The following MIPEP variants were observed in gnomAD, a reference collection of about 807,000 sequenced individuals.
MIPEP encodes the protein mitochondrial intermediate peptidase.
In MIPEP, 79 loss-of-function variants were observed where a neutral mutation model predicts 90.3. The ratio of observed to expected loss-of-function variants is 0.87; its 90% CI spans 0.73 to 1.05. The LOEUF is 1.05. MIPEP is among the 50% of genes least tolerant of loss of function. The pLI, the probability that MIPEP is intolerant of heterozygous loss-of-function variation, is 0.00. For synonymous variants in MIPEP, 334 were observed against 315.8 expected, an observed-to-expected ratio of 1.06 and a Z score of -0.61; for missense variants, 940 against 905.6, an observed-to-expected ratio of 1.04 and a Z score of -0.49.
chr13:23,744,271 T>C (rs1226039307), intron 18 of MIPEP, among the ~76,000 whole-genome samples: 2 of 152,208 alleles, frequency 1.3e-5, no homozygotes, highest in African/African-American at 2.4e-5. Context: ...ACTTTTCAGA[T>C]TTGTCCCCAT....
intron 18 of MIPEP, among the ~76,000 whole-genome samples, chr13:23,737,222 G>A (rs1952275694): frequency 6.6e-6 from 1 of 152,228 alleles, no homozygotes; most frequent in Non-Finnish European, 1.5e-5. Flanking sequence ...GTCTCACAGG[G>A]CCGTAGTCTG....
At chr13:23,841,553 T>C in intron 10 of MIPEP, 65 bp from the exon 11 acceptor site, 2 of 1,476,560 alleles carry the variant, frequency 1.4e-6, no homozygotes, top group South Asian at 2.8e-5. Context: ...GTAAATTCAA[T>C]TAACTTTTCA....
intron 14 of MIPEP, among the ~76,000 whole-genome samples, chr13:23,823,777 G>A (rs904085301): frequency 6.6e-6 from 1 of 152,206 alleles, no homozygotes; most frequent in African/African-American, 2.4e-5. Flanking sequence ...TCAGGGAGCT[G>A]TGATTGCACC....
intron 1 of MIPEP, among the ~76,000 whole-genome samples, chr13:23,887,629 A>G (rs1871558056): frequency 6.6e-6 from 1 of 152,160 alleles, no homozygotes; most frequent in Non-Finnish European, 1.5e-5. Context: ...CAGCTATCCA[A>G]TAGAATGTCT....
At chr13:23,834,816 A>G (rs1209424900) in intron 14 of MIPEP, among the ~76,000 whole-genome samples, 1 of 152,124 alleles carries the variant, frequency 6.6e-6, no homozygotes, top group East Asian at 1.9e-4. Flanking sequence ...CCCAGTTCCC[A>G]AAATACACAG....
chr13:23,786,380 C>T (rs189849403), intron 16 of MIPEP, among the ~76,000 whole-genome samples: 1 of 152,174 alleles, frequency 6.6e-6, no homozygotes, highest in East Asian at 1.9e-4. Flanking sequence ...AAGAAGTTCT[C>T]TTTAAGCATA....
intron 18 of MIPEP, among the ~76,000 whole-genome samples, chr13:23,732,787 G>A (rs1381714538): frequency 6.6e-6 from 1 of 152,182 alleles, no homozygotes; most frequent in East Asian, 1.9e-4. Context: ...ACTGAGAAGG[G>A]GCAGGAGGGC....
intron 10 of MIPEP, among the ~76,000 whole-genome samples, chr13:23,854,459 G>C (rs1016985697): frequency 1.4e-4 from 22 of 152,164 alleles, no homozygotes; most frequent in African/African-American, 4.8e-4. Flanking sequence ...CCTTCTGTGA[G>C]AGCCCATTTT....
At chr13:23,740,854 G>C (rs1421292662) in intron 18 of MIPEP, among the ~76,000 whole-genome samples, 1 of 152,192 alleles carries the variant, frequency 6.6e-6, no homozygotes, top group Non-Finnish European at 1.5e-5. Flanking sequence ...CCATAGCTTG[G>C]GTCTCCCTGA....
intron 9 of MIPEP, among the ~76,000 whole-genome samples, chr13:23,859,272 T>A (rs1047723706): frequency 6.6e-6 from 1 of 152,176 alleles, no homozygotes; most frequent in Non-Finnish European, 1.5e-5. Context: ...ACACTGTAGG[T>A]AAGATGAGTG....
chr13:23,756,290 G>C (rs2094215444), intron 18 of MIPEP, among the ~76,000 whole-genome samples: 1 of 152,184 alleles, frequency 6.6e-6, no homozygotes, highest in Non-Finnish European at 1.5e-5. Context: ...GAGTAGCTGG[G>C]ATTACAGGCG....
At chr13:23,857,559 G>T (rs1369834325) in intron 10 of MIPEP, among the ~76,000 whole-genome samples, 1 of 152,108 alleles carries the variant, frequency 6.6e-6, no homozygotes, top group Non-Finnish European at 1.5e-5. Flanking sequence ...GACAAAGTGA[G>T]ACCCTGTCTC....
chr13:23,757,262 G>A (rs1952498618), intron 17 of MIPEP, among the ~76,000 whole-genome samples: 1 of 151,588 alleles, frequency 6.6e-6, no homozygotes, highest in Non-Finnish European at 1.5e-5. Flanking sequence ...TCACAGTAGG[G>A]TTCCTGCTCC....
chr13:23,840,153 A>G (rs1019217151), intron 11 of MIPEP, among the ~76,000 whole-genome samples: 7 of 152,338 alleles, frequency 4.6e-5, no homozygotes, highest in Admixed American at 1.3e-4. Context: ...TCCCAGCTTG[A>G]GTTAAAAATC....
chr13:23,799,000 G>GTTTTTTTTTTTTTTTT (rs765292524), intron 16 of MIPEP, among the ~76,000 whole-genome samples: 2 of 88,904 alleles, frequency 2.2e-5, no homozygotes, highest in Non-Finnish European at 4.0e-5. Context: ...AATTTTTTTG[G>GTTTTTTTTTTTTTTTT]TTTTTTTTTT....
At chr13:23,767,236 C>T (rs1733586171) in intron 16 of MIPEP, among the ~76,000 whole-genome samples, 2 of 152,214 alleles carry the variant, frequency 1.3e-5, no homozygotes, top group Admixed American at 6.5e-5. Flanking sequence ...ACTGTGTTGA[C>T]TCCTGATCCA....
intron 10 of MIPEP, among the ~76,000 whole-genome samples, chr13:23,853,763 T>C (rs1869912617): frequency 6.6e-6 from 1 of 152,002 alleles, no homozygotes; most frequent in African/African-American, 2.4e-5. Context: ...AGACAGGGTT[T>C]CACTATGTTG....
At chr13:23,794,223 T>C (rs1952931620) in intron 16 of MIPEP, among the ~76,000 whole-genome samples, 1 of 152,074 alleles carries the variant, frequency 6.6e-6, no homozygotes, top group Non-Finnish European at 1.5e-5. Flanking sequence ...ATCAGTGTGA[T>C]ATAGTACCCC....
At chr13:23,858,372 G>A (rs896068769) in intron 10 of MIPEP, among the ~76,000 whole-genome samples, 6 of 150,258 alleles carry the variant, frequency 4.0e-5, no homozygotes, top group Non-Finnish European at 8.9e-5. Context: ...CCTTCCAGAT[G>A]GACCAATAAT....
Sources: allele counts gnomAD v4.1 joint callset (sites outside exome capture counted in the v4.1 genomes callset), GRCh38; gene constraint gnomAD v4.1.1; transcripts MANE v1.5; gene names NCBI Gene and HGNC (gene_info 2026-07-23, HGNC 2026-07-21).